Variants in KLHL14 observed in about 807,000 individuals in gnomAD.
KLHL14 encodes the protein kelch-like protein 14.
In KLHL14, 22 loss-of-function variants were observed where a neutral mutation model predicts 64.3. The ratio of observed to expected loss-of-function variants is 0.34; its 90% CI spans 0.24 to 0.49. The LOEUF is 0.49. Ranked by LOEUF, KLHL14 falls within the 20% of genes least tolerant of loss-of-function variation. KLHL14 has a pLI of 0.99. For synonymous variants in KLHL14, 322 were observed against 333.4 expected, an observed-to-expected ratio of 0.97 and a Z score of 0.37; for missense variants, 661 against 789.0, an observed-to-expected ratio of 0.84 and a Z score of 1.94.
chr18:32,677,879 T>A (rs1412950515), intron 7 of KLHL14, among the ~76,000 whole-genome samples: 1 of 152,216 alleles, frequency 6.6e-6, no homozygotes, highest in African/African-American at 2.4e-5. Context: ...GAACTCAGAC[T>A]CTTGCAGACT....
At chr18:32,718,465 C>T (rs1054357111) in intron 3 of KLHL14, among the ~76,000 whole-genome samples, 2 of 152,290 alleles carry the variant, frequency 1.3e-5, no homozygotes, top group Non-Finnish European at 2.9e-5. Context: ...TCCCCCCAGA[C>T]TTAGAGCTGG....
intron 3 of KLHL14, chr18:32,733,800 C>A: frequency 9.6e-6 from 2 of 207,616 alleles, no homozygotes; most frequent in Non-Finnish European, 9.9e-6. Flanking sequence ...AATCAAGGAA[C>A]ACAACCCACC....
At chr18:32,713,660 T>C (rs1041371879) in intron 3 of KLHL14, among the ~76,000 whole-genome samples, 1 of 152,206 alleles carries the variant, frequency 6.6e-6, no homozygotes, top group Non-Finnish European at 1.5e-5. Context: ...TGAATTATGG[T>C]GTATATGCTT....
At chr18:32,742,149 G>C in intron 2 of KLHL14, 100 bp from the exon 3 acceptor site, 5 of 1,345,448 alleles carry the variant, frequency 3.7e-6, no homozygotes, top group Non-Finnish European at 5.1e-6. Flanking sequence ...CTTGCTTGCA[G>C]ATATCTGTTT....
chr18:32,750,297 C>A (rs2050244872), intron 2 of KLHL14, among the ~76,000 whole-genome samples: 1 of 152,086 alleles, frequency 6.6e-6, no homozygotes, highest in Non-Finnish European at 1.5e-5. Context: ...TTTACCAGAT[C>A]TGTTATGCCT....
intron 8 of KLHL14, among the ~76,000 whole-genome samples, 198 bp from the exon 9 acceptor site, chr18:32,674,995 A>AT (rs1412623162): frequency 6.6e-6 from 1 of 152,138 alleles, no homozygotes; most frequent in Non-Finnish European, 1.5e-5. Context: ...TTCAAAAAAA[A>AT]TTTTTTTGTG....
At chr18:32,746,417 A>C (rs910520655) in intron 2 of KLHL14, among the ~76,000 whole-genome samples, 2 of 152,172 alleles carry the variant, frequency 1.3e-5, no homozygotes, top group Admixed American at 1.3e-4. Flanking sequence ...GCGTGCATAC[A>C]TACTTTGGTT....
intron 3 of KLHL14, among the ~76,000 whole-genome samples, chr18:32,739,072 A>G (rs1221685743): frequency 6.6e-6 from 1 of 152,126 alleles, no homozygotes; most frequent in East Asian, 1.9e-4. Context: ...TGAGATTCAG[A>G]AACTCCATCT....
chr18:32,692,039 C>T (rs1301415594), intron 4 of KLHL14, among the ~76,000 whole-genome samples: 1 of 152,124 alleles, frequency 6.6e-6, no homozygotes, highest in East Asian at 1.9e-4. Context: ...TTTCCATAAG[C>T]TGGGGCACTG....
intron 3 of KLHL14, among the ~76,000 whole-genome samples, chr18:32,735,441 G>A: frequency 6.6e-6 from 1 of 152,150 alleles, no homozygotes; most frequent in East Asian, 1.9e-4. Flanking sequence ...CTCTGCCAGT[G>A]TCTTTAGCCA....
At chr18:32,684,405 A>G (rs190412749) in intron 5 of KLHL14, among the ~76,000 whole-genome samples, 2 of 152,180 alleles carry the variant, frequency 1.3e-5, no homozygotes, top group African/African-American at 4.8e-5. Context: ...CTATCCTGGG[A>G]CTCAATCTGT....
chr18:32,680,964 A>G lies in KLHL14; in HGVS notation c.1239-365T>C, dbSNP rs889845740. Reference sequence around the variant, plus strand: ...TAAGGCAAAGTGAAAAATGAGGTAGATAATGTAACAATAATAAATTATCTT... The same window carrying G: ...TAAGGCAAAGTGAAAAATGAGGTAGGTAATGTAACAATAATAAATTATCTT... On this transcript the variant is annotated intron_variant, in intron 5 of 8. Coordinates refer to ENST00000359358, the MANE Select transcript of KLHL14 (RefSeq NM_020805.3). The surrounding 1 kb of genome is among the most constrained non-coding windows in gnomAD (Gnocchi z 4.8). Among the ~76,000 whole-genome samples the G allele has an allele frequency of 6.6e-6, 1 of 152,186 alleles. No homozygotes were observed. The highest frequency in any genetic ancestry group is 1.9e-4 in the East Asian group (1 of 5,198).
intron 3 of KLHL14, 48 bp from the exon 4 acceptor site, chr18:32,695,600 G>T: frequency 1.6e-6 from 2 of 1,227,280 alleles, no homozygotes; most frequent in Non-Finnish European, 2.4e-6. Context: ...TCCATCTCAG[G>T]ATTTGCTACC....
At chr18:32,745,927 T>G (rs997839557) in intron 2 of KLHL14, among the ~76,000 whole-genome samples, 2 of 152,292 alleles carry the variant, frequency 1.3e-5, no homozygotes, top group Admixed American at 1.3e-4. Context: ...GAAGGGGGTT[T>G]TAATTATTCT....
intron 3 of KLHL14, among the ~76,000 whole-genome samples, chr18:32,730,746 C>T (rs971292948): frequency 2.6e-5 from 4 of 152,078 alleles, no homozygotes; most frequent in South Asian, 2.1e-4. Context: ...AAGTGCTTTG[C>T]GGTTCTCAAC....
intron 3 of KLHL14, among the ~76,000 whole-genome samples, chr18:32,729,320 C>T (rs892066040): frequency 6.6e-6 from 1 of 152,082 alleles, no homozygotes; most frequent in East Asian, 1.9e-4. Flanking sequence ...AAGCCACTTG[C>T]CACAGGGGGT....
intron 3 of KLHL14, among the ~76,000 whole-genome samples, chr18:32,729,547 G>T (rs553028464): frequency 3.9e-5 from 6 of 152,258 alleles, no homozygotes; most frequent in African/African-American, 1.4e-4. Context: ...AAGCAGACAG[G>T]TTGGGTAGAA....
chr18:32,674,890 A>G, intron 8 of KLHL14, 93 bp from the exon 9 acceptor site: 1 of 646,710 alleles, frequency 1.5e-6, no homozygotes, highest in Non-Finnish European at 2.8e-6. Flanking sequence ...ATTGAAAAGA[A>G]AATATCTGTT....
At position 32,747,777 on chromosome 18, in the gene KLHL14, A is replaced by G. The variant is rs558988023; in HGVS notation, c.948-5728T>C. Among the ~76,000 whole-genome samples the G allele has an allele frequency of 3.9e-4, 59 of 152,332 alleles. No homozygotes were observed. In the South Asian group the frequency reaches 0.011, roughly 29 times the overall value. On this transcript the variant is annotated intron_variant, in intron 2 of 8. Transcript: ENST00000359358. The stretch of plus-strand genomic sequence containing the variant: ...ACAGTGCAGTGCTGGGTCCCTGTTC[A>G]GCTTCTACTGATTATCAATATCAAT...
Sources: gnomAD v4.1 joint callset for allele counts (sites outside exome capture counted in the v4.1 genomes callset) on GRCh38, gnomAD v4.1.1 for gene constraint, Gnocchi (gnomAD v3.1) non-coding constraint, MANE v1.5 for transcripts, NCBI Gene and HGNC (gene_info 2026-07-23, HGNC 2026-07-21) for gene names.